PCDHGA2: variants seen among roughly 807,000 people sequenced by gnomAD.
PCDHGA2 encodes the protein protocadherin gamma-A2.
Under a neutral mutation model 59.2 loss-of-function variants are expected in PCDHGA2, and 40 were observed. That is an observed-to-expected ratio of 0.68 (90% CI 0.52 to 0.88). PCDHGA2 has a LOEUF of 0.88. Ranked by LOEUF, PCDHGA2 falls within the 40% of genes least tolerant of loss-of-function variation. The pLI is 0.00. For synonymous variants in PCDHGA2, 560 were observed against 526.0 expected (o/e 1.06, Z -0.89); for missense variants, 1,226 against 1,204.0 (o/e 1.02, Z -0.27).
At chr5:141,343,329 T>C in intron 1 of PCDHGA2, 1 of 981,714 alleles carries the variant, frequency 1.0e-6, no homozygotes, top group Non-Finnish European at 1.2e-6. Flanking sequence ...TTCTTTTCTT[T>C]TTTTCCTTGT....
chr5:141,389,191 T>A, intron 1 of PCDHGA2: 1 of 1,614,050 alleles, frequency 6.2e-7, no homozygotes, highest in Non-Finnish European at 8.5e-7. Context: ...AGTTCCAGCA[T>A]CACCCTGCAC....
chr5:141,364,999 C>A, intron 1 of PCDHGA2: 1 of 1,613,864 alleles, frequency 6.2e-7, no homozygotes, highest in South Asian at 1.1e-5. Context: ...CGGTACTCTC[C>A]GGCACCACGC....
chr5:141,372,935 T>C, intron 1 of PCDHGA2: 2 of 830,688 alleles, frequency 2.4e-6, no homozygotes, highest in Non-Finnish European at 3.6e-6. Context: ...TGGTGTAGAG[T>C]AGGGTGTCTA....
chr5:141,400,709 G>A (rs1361669405), intron 1 of PCDHGA2: 1 of 696,272 alleles, frequency 1.4e-6, no homozygotes, highest in East Asian at 2.7e-5. Flanking sequence ...AAAAGAAGTA[G>A]CCTTATAGAT....
At chr5:141,345,584 G>C in intron 1 of PCDHGA2, 3 of 1,614,192 alleles carry the variant, frequency 1.9e-6, no homozygotes, top group Non-Finnish European at 2.5e-6. Context: ...TATACGCGCT[G>C]AGATCCTTCG....
In PCDHGA2 at chr5:141,338,785, A is replaced by T; in HGVS notation, c.-187A>T. On this transcript the variant is annotated 5_prime_UTR_variant, in exon 1 of 4. Transcript: ENST00000394576. ...AATCCAGCAATACGGCTCCCACAGC[A>T]CAAGGGGGTGGAGGTTTGGCCCTAA... The T allele has an allele frequency of 7.5e-7, 1 of 1,341,958 alleles. No homozygotes were observed. Among genetic ancestry groups the T allele is most frequent in the Non-Finnish European group, 9.5e-7 (1 of 1,051,952 alleles). 83.1% of individuals were successfully genotyped at this position (1,341,958 alleles called of 1,614,324 possible). A position where few individuals can be genotyped will look rare whatever the true frequency, so the allele number is the denominator to read the frequency against.
At chr5:141,383,441 C>T (rs529896434) in intron 1 of PCDHGA2, 15 of 1,613,978 alleles carry the variant, frequency 9.3e-6, no homozygotes, top group South Asian at 7.7e-5. Flanking sequence ...TTCTCCCTGG[C>T]TGTGCAAAGT....
At chr5:141,415,095 C>A (rs1045755927) in intron 1 of PCDHGA2, 2 of 1,613,466 alleles carry the variant, frequency 1.2e-6, no homozygotes, top group East Asian at 2.2e-5. Flanking sequence ...TGGACAGAGA[C>A]GCGCTCAAGC....
chr5:141,404,555 A>G (rs751841732), intron 1 of PCDHGA2: 1 of 1,613,802 alleles, frequency 6.2e-7, no homozygotes, highest in African/African-American at 1.3e-5. Flanking sequence ...GGTGACGGCA[A>G]GTGACAGTGG....
intron 1 of PCDHGA2, chr5:141,383,224 C>T: frequency 6.2e-7 from 1 of 1,613,968 alleles, no homozygotes; most frequent in South Asian, 1.1e-5. Flanking sequence ...CTTTAACATC[C>T]TGATGGAAGA....
Position 141,338,876 on chromosome 5 carries a change from C to T in PCDHGA2, c.-96C>T. The T allele has an allele frequency of 6.9e-7, 1 of 1,451,392 alleles. No individual in the cohort carries two copies. The highest frequency in any genetic ancestry group is 9.1e-7 in the Non-Finnish European group (1 of 1,103,242). The allele number at this position is 1,451,392 out of a possible 1,614,324, so 89.9% of individuals were successfully genotyped here. A position where few individuals can be genotyped will look rare whatever the true frequency, so the allele number is the denominator to read the frequency against. ...AGTTCTCTCCATAGGGACCTGGGTC[C>T]CGTGAATGCTGGTTATCTCACACCC... On this transcript the variant is annotated 5_prime_UTR_variant, in exon 1 of 4. Coordinates refer to ENST00000394576, the MANE Select transcript of PCDHGA2 (RefSeq NM_018915.4).
rs192227219 is a variant in PCDHGA2 at position 141,501,899 on chromosome 5, A to G, written c.2484-3494A>G. Among the ~76,000 whole-genome samples the G allele has an allele frequency of 1.0e-3, 159 of 152,024 alleles. 1 individual carries two copies. The highest frequency in any genetic ancestry group is 6.8e-3 in the Middle Eastern group (2 of 294). ...TACACTCCTGATCATCATGGTTCCA[A>G]CCCCACTGTTCCACTCAGCTTTGTT... is the stretch of plus-strand genomic sequence containing the variant. On this transcript the variant is annotated intron_variant, in intron 2 of 3. Transcript: ENST00000394576.
intron 1 of PCDHGA2, chr5:141,422,936 C>T: frequency 6.2e-7 from 1 of 1,614,260 alleles, no homozygotes; most frequent in Non-Finnish European, 8.5e-7. Flanking sequence ...GCCCTCCCCA[C>T]AGACGGCTCC....
chr5:141,424,365 T>A (rs933291305), intron 1 of PCDHGA2: 7 of 152,246 alleles, frequency 4.6e-5, no homozygotes, highest in African/African-American at 1.7e-4. Context: ...TAGATCACAT[T>A]TTTTCTTAAG....
At chr5:141,351,798 A>G in intron 1 of PCDHGA2, 2 of 1,613,318 alleles carry the variant, frequency 1.2e-6, no homozygotes, top group Non-Finnish European at 8.5e-7. Context: ...GTGTTCGCGC[A>G]GCGCGCCTTC....
intron 1 of PCDHGA2, chr5:141,394,966 GC>G (rs1294759609): frequency 1.2e-6 from 2 of 1,613,886 alleles, no homozygotes; most frequent in Non-Finnish European, 1.7e-6. Context: ...AGGCTGAGGC[GC>G]TGGCACAAGT....
In PCDHGA2 at chr5:141,454,516, C is replaced by T. The variant is rs375583922; in HGVS notation, c.2425-40291C>T. On this transcript the variant is annotated intron_variant, in intron 1 of 3. Coordinates refer to ENST00000394576, the MANE Select transcript of PCDHGA2 (RefSeq NM_018915.4). Reference sequence around the variant, plus strand: ...CCACCTCCTGGATTCAGGCAGTTCTCCTGCCTCAGCCTCCCAAGTAGCTGA... The same window carrying T: ...CCACCTCCTGGATTCAGGCAGTTCTTCTGCCTCAGCCTCCCAAGTAGCTGA... Among the ~76,000 whole-genome samples the T allele has an allele frequency of 1.2e-4, 18 of 152,288 alleles. No individual in the cohort carries two copies. In the East Asian group the frequency reaches 3.1e-3, roughly 26 times the overall value.
intron 1 of PCDHGA2, chr5:141,355,186 C>T (rs1308919687): frequency 6.3e-7 from 1 of 1,588,558 alleles, no homozygotes; most frequent in East Asian, 2.2e-5. Context: ...CAGGCGACTC[C>T]GCGGCGGGGT....
Position 141,511,303 on chromosome 5 carries a change from C to T in PCDHGA2, c.*130C>T, listed in dbSNP as rs2099883709. 2.7e-6 allele frequency: 4 copies of T among 1,490,160 alleles called. No homozygotes were observed. Among genetic ancestry groups the T allele is most frequent in the Non-Finnish European group, 3.6e-6 (4 of 1,116,196 alleles). 92.3% of individuals were successfully genotyped at this position (1,490,160 alleles called of 1,614,324 possible). ...CTGGTAGGGGCCAAGGCCATGCTCC[C>T]CTTGGGAAACAGAAACAAGTGCCCA... On this transcript the variant is annotated 3_prime_UTR_variant, in exon 4 of 4. Coordinates refer to ENST00000394576, the MANE Select transcript of PCDHGA2 (RefSeq NM_018915.4).
Sources: allele counts gnomAD v4.1 joint callset (sites outside exome capture counted in the v4.1 genomes callset), GRCh38; gene constraint gnomAD v4.1.1; transcripts MANE v1.5; gene names NCBI Gene and HGNC (gene_info 2026-07-23, HGNC 2026-07-21).